The following HAUS6 variants were observed in gnomAD, a reference collection of about 807,000 sequenced individuals.
HAUS6 encodes HAUS augmin like complex subunit 6.
A neutral mutation model predicts 106.8 loss-of-function variants in HAUS6; 80 were observed. The ratio of observed to expected loss-of-function variants is 0.75; its 90% CI spans 0.63 to 0.90. The LOEUF (loss-of-function observed/expected upper bound fraction) is 0.90. HAUS6 is among the 40% of genes least tolerant of loss of function. The pLI, the probability that HAUS6 is intolerant of heterozygous loss-of-function variation, is 0.00. For synonymous variants in HAUS6, 356 were observed against 379.1 expected (o/e 0.94, Z 0.71); for missense variants, 1,155 against 1,118.1 (o/e 1.03, Z -0.47).
chr9:19,083,105 AAATGT>A, intron 7 of HAUS6, 62 bp from the exon 8 acceptor site: 3 of 932,228 alleles, frequency 3.2e-6, no homozygotes, highest in Non-Finnish European at 4.6e-6. Flanking sequence ...TTAAAAATGT[AAATGT>A]ATGTTCACTC....
intron 14 of HAUS6, among the ~76,000 whole-genome samples, chr9:19,062,745 T>G (rs1707970563): frequency 1.3e-5 from 2 of 152,212 alleles, no homozygotes; most frequent in Non-Finnish European, 2.9e-5. Context: ...CACTGCAGCC[T>G]CAGTCTCCTG....
At position 19,063,486 on chromosome 9, in the gene HAUS6, ATTAATTGAGAC is replaced by A; in HGVS notation, c.1443+17_1443+27del. The A allele has an allele frequency of 8.7e-7, 1 of 1,150,598 alleles. No homozygotes were observed. The highest frequency in any genetic ancestry group is 1.3e-6 in the Non-Finnish European group (1 of 776,460). 71.3% of individuals were successfully genotyped at this position (1,150,598 alleles called of 1,614,324 possible). A position where few individuals can be genotyped will look rare whatever the true frequency, so the allele number is the denominator to read the frequency against. Reference sequence around the variant, plus strand: ...ATTTTATAATTTAGTATGGTCCAGAATTAATTGAGACTTATTTTAAAATATACCTTTTCAAG... The same window carrying A: ...ATTTTATAATTTAGTATGGTCCAGAATTATTTTAAAATATACCTTTTCAAG... On this transcript the variant is annotated intron_variant, in intron 13 of 16. Transcript: ENST00000380502.
rs1455424901 is a variant in HAUS6 at position 19,055,052 on chromosome 9, CTTTT to C, written c.*1287_*1290del. 1.3e-5 allele frequency: 2 copies of C among 152,162 alleles called. No individual in the cohort carries two copies. The highest frequency in any genetic ancestry group is 2.1e-4 in the South Asian group (1 of 4,828). The allele number at this position is 152,162 out of a possible 1,614,324, so 9.4% of individuals were successfully genotyped here. ...CAAAGAAGGTAGTTACATGTGCTTT[CTTTT>C]GTCTTTTCTCACAAAAAGATGGGTC... On this transcript the variant is annotated 3_prime_UTR_variant, in exon 17 of 17. Transcript: ENST00000380502.
At chr9:19,064,071 G>A (rs1375972482) in intron 12 of HAUS6, among the ~76,000 whole-genome samples, 1 of 151,662 alleles carries the variant, frequency 6.6e-6, no homozygotes, top group Admixed American at 6.6e-5. Context: ...AGGTTCAAGC[G>A]ATTCTCCTGC....
chr9:19,091,575 G>T (rs1216983182), intron 4 of HAUS6, among the ~76,000 whole-genome samples: 1 of 152,078 alleles, frequency 6.6e-6, no homozygotes, highest in East Asian at 1.9e-4. Context: ...AGCACTTTGG[G>T]AGGCCAAGGT....
rs562411417 is a variant in HAUS6, at chr9:19,067,238, A to G, written c.1376+2981T>C. Among the ~76,000 whole-genome samples, 29 of 152,344 alleles carry G rather than the reference A, an allele frequency of 1.9e-4. 1 individual carries two copies. In the South Asian group the frequency reaches 5.8e-3, roughly 30 times the overall value. On this transcript the variant is annotated intron_variant, in intron 12 of 16. Coordinates refer to ENST00000380502, the MANE Select transcript of HAUS6 (RefSeq NM_017645.5). ...GCAGATAAAATAGTGTAATTGCTGA[A>G]CTACATGCAAAAAAGGTATTATCTT...
At chr9:19,077,428 G>C (rs570939569) in intron 10 of HAUS6, among the ~76,000 whole-genome samples, 1 of 152,266 alleles carries the variant, frequency 6.6e-6, no homozygotes, top group East Asian at 1.9e-4. Context: ...CCGGCTACTT[G>C]GGAGGCCGAG....
At chr9:19,088,771 A>G (rs1423551672) in intron 5 of HAUS6, among the ~76,000 whole-genome samples, 2 of 150,854 alleles carry the variant, frequency 1.3e-5, no homozygotes, top group Admixed American at 6.6e-5. Flanking sequence ...TCAGCTACTC[A>G]GGAGCCTGAG....
chr9:19,071,104 A>T (rs923304189), intron 11 of HAUS6, among the ~76,000 whole-genome samples: 2 of 152,228 alleles, frequency 1.3e-5, no homozygotes, highest in African/African-American at 4.8e-5. Context: ...GTCCAAGTGG[A>T]ACAGAAGCCA....
intron 14 of HAUS6, among the ~76,000 whole-genome samples, chr9:19,061,015 T>G (rs1483876613): frequency 2.0e-5 from 3 of 152,026 alleles, no homozygotes; most frequent in South Asian, 4.2e-4. Flanking sequence ...AAATACAAAA[T>G]TAGCTGGGCA....
In HAUS6 at chr9:19,083,578, A is replaced by G. The variant is rs1002954419; in HGVS notation, c.700-535T>C. Among the ~76,000 whole-genome samples the G allele has an allele frequency of 2.6e-5, 4 of 151,994 alleles. No homozygotes were observed. The East Asian group carries it at 7.7e-4, about 29-fold the overall frequency. On this transcript the variant is annotated intron_variant, in intron 7 of 16. Coordinates refer to ENST00000380502, the MANE Select transcript of HAUS6 (RefSeq NM_017645.5). ...AGCCCTTTGGGAGGCCGAGGCAAGC[A>G]GATCACGAGGTCAGGAGATAGAGAC... is the stretch of plus-strand genomic sequence containing the variant.
Position 19,055,510 on chromosome 9 carries a change from C to CA in HAUS6, c.*832dup, listed in dbSNP as rs1489355568. The CA allele has an allele frequency of 2.6e-5, 4 of 151,928 alleles. No homozygotes were observed. Among genetic ancestry groups the CA allele is most frequent in the Non-Finnish European group, 4.4e-5 (3 of 67,988 alleles). 9.4% of individuals were successfully genotyped at this position (151,928 alleles called of 1,614,324 possible). On this transcript the variant is annotated 3_prime_UTR_variant, in exon 17 of 17. Transcript: ENST00000380502. ...CTTTCCCCCAACAGGGAGTACCTCA[C>CA]AAAAAAACCCAACAACAAAACAGAC...
chr9:19,100,339 C>T (rs1266908810), intron 1 of HAUS6, among the ~76,000 whole-genome samples: 1 of 152,144 alleles, frequency 6.6e-6, no homozygotes, highest in South Asian at 2.1e-4. Flanking sequence ...GCACTCCAGC[C>T]TGAGAGACAG....
At chr9:19,094,225 G>C (rs1817813502) in intron 3 of HAUS6, 92 bp downstream of exon 3, 1 of 698,796 alleles carries the variant, frequency 1.4e-6, no homozygotes. Flanking sequence ...TAGCATTAAA[G>C]CATTAAAAGG....
chr9:19,065,670 A>G (rs973370097), intron 12 of HAUS6, among the ~76,000 whole-genome samples: 13 of 151,948 alleles, frequency 8.6e-5, no homozygotes, highest in East Asian at 1.9e-4. Context: ...ATGAAACCCC[A>G]TATCTACTAA....
intron 5 of HAUS6, among the ~76,000 whole-genome samples, chr9:19,088,944 A>C (rs1034669045): frequency 2.6e-5 from 4 of 151,192 alleles, no homozygotes; most frequent in African/African-American, 9.8e-5. Flanking sequence ...TATTTTAGGC[A>C]GAAGTTATCT....
chr9:19,079,284 T>C (rs925987366), intron 9 of HAUS6, among the ~76,000 whole-genome samples: 3 of 149,348 alleles, frequency 2.0e-5, no homozygotes, highest in Admixed American at 6.9e-5. Context: ...GCTGGAGGAG[T>C]GCAATGGTGC....
At chr9:19,083,919 T>G (rs1187452976) in intron 7 of HAUS6, among the ~76,000 whole-genome samples, 1 of 151,834 alleles carries the variant, frequency 6.6e-6, no homozygotes, top group Non-Finnish European at 1.5e-5. Context: ...GCAAAAAATC[T>G]TAGGCATATA....
intron 7 of HAUS6, among the ~76,000 whole-genome samples, chr9:19,086,306 C>G (rs1162680414): frequency 9.2e-6 from 1 of 108,488 alleles, no homozygotes. Context: ...GACTCCATCT[C>G]AAAAGGGGGA....
Sources: allele counts gnomAD v4.1 joint callset (sites outside exome capture counted in the v4.1 genomes callset), GRCh38; gene constraint gnomAD v4.1.1; transcripts MANE v1.5; gene names NCBI Gene and HGNC (gene_info 2026-07-23, HGNC 2026-07-21).